Variants in LARGE1 observed in about 807,000 individuals in gnomAD.
LARGE1 encodes xylosyl- and glucuronyltransferase LARGE1.
LARGE1 carries 43 observed loss-of-function variants against 87.6 expected under a neutral mutation model. The observed-to-expected ratio is 0.49, with a 90% CI of 0.38 to 0.63. The LOEUF is 0.63. LARGE1 is among the 30% of genes least tolerant of loss of function. LARGE1 has a pLI of 0.00. For missense variants in LARGE1, 802 were observed against 1,000.2 expected, an observed-to-expected ratio of 0.80 and a Z score of 2.67; for synonymous variants, 434 against 394.6, an observed-to-expected ratio of 1.10 and a Z score of -1.18.
intron 1 of LARGE1, among the ~76,000 whole-genome samples, chr22:33,841,369 G>C (rs73154516): frequency 1.3e-5 from 2 of 152,324 alleles, no homozygotes; most frequent in Non-Finnish European, 2.9e-5. Flanking sequence ...GTAAGGTCCA[G>C]AGGTGAATCT....
rs115757526 is a variant in LARGE1, at chr22:33,407,790, G to A, written c.893-23486C>T. Among the ~76,000 whole-genome samples, 611 of 152,184 alleles carry A rather than the reference G, an allele frequency of 4.0e-3. 3 individuals are homozygous for A. Among genetic ancestry groups the A allele is most frequent in the African/African-American group, 0.014 (590 of 41,530 alleles). ...CCAATAAGTATGTATCTTTGGCTTT[G>A]GAAGCGAAAAGGACTCTGTTGCAAC... On this transcript the variant is annotated intron_variant, in intron 7 of 14. Coordinates refer to ENST00000397394, the MANE Select transcript of LARGE1 (RefSeq NM_133642.5).
chr22:33,905,062 CTTTTTTTTTT>C (rs71187290), intron 1 of LARGE1, among the ~76,000 whole-genome samples: 9 of 118,886 alleles, frequency 7.6e-5, no homozygotes, highest in East Asian at 2.2e-4. Flanking sequence ...TTTTTAATTC[CTTTTTTTTTT>C]TTTTTTTTTT....
intron 4 of LARGE1, among the ~76,000 whole-genome samples, chr22:33,609,119 C>CAATA (rs2079350526): frequency 6.6e-6 from 1 of 152,144 alleles, no homozygotes; most frequent in Non-Finnish European, 1.5e-5. Context: ...AGCTATTAAG[C>CAATA]AATAACTACA....
chr22:33,190,159 G>A (rs537696310), intron 11 of LARGE1, among the ~76,000 whole-genome samples: 277 of 151,446 alleles, frequency 1.8e-3, no homozygotes, highest in Non-Finnish European at 2.9e-3. Context: ...TTTTTTTTTA[G>A]CAGCAGCTCA....
chr22:33,547,767 C>T (rs1360369210), intron 6 of LARGE1, among the ~76,000 whole-genome samples: 1 of 120,424 alleles, frequency 8.3e-6, no homozygotes, highest in Non-Finnish European at 1.6e-5. Context: ...GCACTCCAGC[C>T]TGGACGACAG....
intron 2 of LARGE1, among the ~76,000 whole-genome samples, chr22:33,684,778 T>G (rs1456703164): frequency 2.0e-5 from 3 of 152,202 alleles, no homozygotes; most frequent in African/African-American, 7.2e-5. Context: ...AGCGATGGCC[T>G]TCCCTTTTTT....
At chr22:33,384,688 C>T (rs1319438920) in intron 7 of LARGE1, among the ~76,000 whole-genome samples, 1 of 148,376 alleles carries the variant, frequency 6.7e-6, no homozygotes, top group Non-Finnish European at 1.5e-5. Flanking sequence ...GTGGTGGTGG[C>T]CGCACAACAA....
intron 2 of LARGE1, among the ~76,000 whole-genome samples, chr22:33,721,919 G>A (rs1386073731): frequency 6.6e-6 from 1 of 152,036 alleles, no homozygotes; most frequent in African/African-American, 2.4e-5. Flanking sequence ...TTGTTTTATA[G>A]GCAGCAGTCA....
rs1438493279 is a variant in LARGE1 at position 33,588,431 on chromosome 22, G to GCTTCATAATTCCTATTCC, written c.615+16003_615+16004insGGAATAGGAATTATGAAG. Reference sequence around the variant, plus strand: ...TGAGGAAGGGAGATTCCTATTTCAGGTAACATAGTGAACTAGACAACCTCA... The same window carrying GCTTCATAATTCCTATTCC: ...TGAGGAAGGGAGATTCCTATTTCAGGCTTCATAATTCCTATTCCTAACATAGTGAACTAGACAACCTCA... On this transcript the variant is annotated intron_variant, in intron 5 of 14. Coordinates refer to ENST00000397394, the MANE Select transcript of LARGE1 (RefSeq NM_133642.5). Among the ~76,000 whole-genome samples the GCTTCATAATTCCTATTCC allele has an allele frequency of 5.3e-5, 8 of 152,272 alleles. No individual in the cohort carries two copies. In the East Asian group the frequency reaches 1.5e-3, roughly 29 times the overall value.
chr22:33,599,918 T>C (rs1219654006), intron 5 of LARGE1, among the ~76,000 whole-genome samples: 1 of 152,178 alleles, frequency 6.6e-6, no homozygotes, highest in African/African-American at 2.4e-5. Flanking sequence ...ATGTGTTTCC[T>C]TCCTAGCATA....
chr22:33,462,498 T>C (rs775912426), intron 6 of LARGE1, among the ~76,000 whole-genome samples: 1 of 152,056 alleles, frequency 6.6e-6, no homozygotes, highest in Non-Finnish European at 1.5e-5. Context: ...ATATACCCAC[T>C]GAGGCTGGGC....
chr22:33,917,824 C>T (rs562156746), intron 1 of LARGE1, among the ~76,000 whole-genome samples: 1 of 152,274 alleles, frequency 6.6e-6, no homozygotes, highest in East Asian at 1.9e-4. Flanking sequence ...CAAGCATGTA[C>T]TAGATCCCAA....
At chr22:33,645,594 G>A (rs760564704) in intron 3 of LARGE1, among the ~76,000 whole-genome samples, 1 of 152,132 alleles carries the variant, frequency 6.6e-6, no homozygotes, top group African/African-American at 2.4e-5. Flanking sequence ...TTGACAAATG[G>A]GATCTAATTA....
At chr22:33,564,792 T>C in intron 6 of LARGE1, 56 bp downstream of exon 6, 2 of 1,590,324 alleles carry the variant, frequency 1.3e-6, no homozygotes, top group Admixed American at 1.7e-5. Context: ...ACCCCTATTC[T>C]TGGCATGCTG....
intron 7 of LARGE1, among the ~76,000 whole-genome samples, chr22:33,424,822 T>A (rs1455551102): frequency 6.6e-6 from 1 of 152,044 alleles, no homozygotes; most frequent in East Asian, 1.9e-4. Context: ...CCAGCCTGAC[T>A]GACAGAGCAA....
chr22:33,459,381 G>T (rs1180745152), intron 6 of LARGE1, among the ~76,000 whole-genome samples: 1 of 151,304 alleles, frequency 6.6e-6, no homozygotes, highest in Non-Finnish European at 1.5e-5. Context: ...ATGATCCACC[G>T]TGAAAGTCTT....
intron 1 of LARGE1, chr22:33,873,260 C>T (rs1178791677): frequency 6.6e-6 from 1 of 152,278 alleles, no homozygotes; most frequent in Non-Finnish European, 1.5e-5. Flanking sequence ...TATCTCTGCC[C>T]TGCCCACACC....
intron 6 of LARGE1, among the ~76,000 whole-genome samples, chr22:33,444,977 G>A (rs1042504479): frequency 3.3e-5 from 5 of 152,188 alleles, no homozygotes; most frequent in African/African-American, 7.2e-5. Flanking sequence ...TTACAGGCGC[G>A]TACCACCATG....
At chr22:33,668,950 C>T (rs1367374119) in intron 2 of LARGE1, among the ~76,000 whole-genome samples, 1 of 152,226 alleles carries the variant, frequency 6.6e-6, no homozygotes, top group Non-Finnish European at 1.5e-5. Flanking sequence ...TAATTTGCAG[C>T]ACTCACAAGG....
Sources: gnomAD v4.1 joint callset for allele counts (sites outside exome capture counted in the v4.1 genomes callset) on GRCh38, gnomAD v4.1.1 for gene constraint, MANE v1.5 for transcripts, NCBI Gene and HGNC (gene_info 2026-07-23, HGNC 2026-07-21) for gene names.